CTSB: variants seen among roughly 807,000 people sequenced by gnomAD.
The protein encoded by CTSB is cathepsin B.
A neutral mutation model predicts 44.3 loss-of-function variants in CTSB; 57 were observed. The observed-to-expected ratio is 1.29, with a 90% CI of 1.04 to 1.60. CTSB has a LOEUF of 1.60. Ranked by LOEUF, CTSB falls within the 40% of genes most tolerant of loss-of-function variation. CTSB has a pLI of 0.00. For missense variants in CTSB, 768 were observed against 443.0 expected, an observed-to-expected ratio of 1.73 and a Z score of -6.59; for synonymous variants, 320 against 168.0, an observed-to-expected ratio of 1.91 and a Z score of -7.00.
At chr8:11,860,720 C>T (rs1816286648) in intron 1 of CTSB, among the ~76,000 whole-genome samples, 1 of 152,200 alleles carries the variant, frequency 6.6e-6, no homozygotes, top group South Asian at 2.1e-4. Flanking sequence ...GCCAGCAGAG[C>T]GGCTAAGAGC....
intron 6 of CTSB, 47 bp from the exon 7 acceptor site, chr8:11,847,869 A>G (rs906988378): frequency 2.8e-6 from 4 of 1,436,790 alleles, no homozygotes; most frequent in East Asian, 4.9e-5. Flanking sequence ...GCCCCCACGG[A>G]GAAGACCTGG....
chr8:11,848,072 T>C lies in CTSB; in HGVS notation c.527A>G (p.His176Arg), dbSNP rs752079041. 19 of 1,612,154 alleles carry C rather than the reference T, an allele frequency of 1.2e-5. No individual in the cohort carries two copies. The Admixed American group carries it at 1.3e-4, about 11-fold the overall frequency. Residue 176 changes from histidine to arginine, a missense_variant, in exon 6 of 10, where the codon CAT (histidine) becomes CGT (arginine). Physicochemically the swap from His to Arg is conservative, Grantham distance 29. Coordinates refer to ENST00000353047, the MANE Select transcript of CTSB (RefSeq NM_001908.5). ...GGCCAAGGGGACACACTTACCTACA[T>C]GGGATTCATAGAGGCCACCAGAAAC... ...GLVSGGLYES[H>R]VGCRPYSIPP...
At position 11,847,053 on chromosome 8, in the gene CTSB, T is replaced by G. The variant is rs1430944797; in HGVS notation, c.792A>C (p.Ser264=). ...TTGCCATCAGCCATCAGCACGCACC[T>G]GACTTGTAGAGCAGGAAGTCCGAAT... The part of the protein sequence containing the change: ...SVYSDFLLYK[S]GVYQHVTGEM... Residue 264 remains serine, a splice_region_variant and synonymous_variant, in exon 8 of 10, where the codon TCA becomes TCC. Transcript: ENST00000353047. 3.3e-6 allele frequency: 4 copies of G among 1,223,890 alleles called. No homozygotes were observed. The highest frequency in any genetic ancestry group is 2.1e-4 in the Middle Eastern group (1 of 4,712). The allele number at this position is 1,223,890 out of a possible 1,614,324, so 75.8% of individuals were successfully genotyped here. A position where few individuals can be genotyped will look rare whatever the true frequency, so the allele number is the denominator to read the frequency against.
chr8:11,852,610 C>G lies in CTSB; in HGVS notation c.212G>C (p.Arg71Thr), dbSNP rs1814791359. The change falls in exon 3 of 10, where the codon AGA (arginine) becomes ACA (threonine). Residue 71 changes from arginine (R) to threonine (T), a missense_variant and splice_region_variant. Coordinates refer to ENST00000353047, the MANE Select transcript of CTSB (RefSeq NM_001908.5). Reference sequence around the variant, plus strand: ...GCGGTGCAGAGGAGCAGGCACTCACCTCTGGGGTGGCTTGGGCCCACCCAG... The same window carrying G: ...GCGGTGCAGAGGAGCAGGCACTCACGTCTGGGGTGGCTTGGGCCCACCCAG... ...TFLGGPKPPQ[R>T]VMFTEDLKLP... The G allele has an allele frequency of 1.2e-6, 2 of 1,612,646 alleles. No homozygotes were observed. The highest frequency in any genetic ancestry group is 1.1e-5 in the South Asian group (1 of 91,060).
rs1411800924 is a variant in CTSB, at chr8:11,853,553, C to CT, written c.-25-75dup. The CT allele has an allele frequency of 2.1e-6, 3 of 1,443,946 alleles. No homozygotes were observed. The East Asian group carries it at 7.2e-5, about 35-fold the overall frequency. 89.4% of individuals were successfully genotyped at this position (1,443,946 alleles called of 1,614,324 possible). ...GGGCTCACACACACAGGGGCACCGT[C>CT]TCGGGCATCAGTGGGGACCCCCATG... is the stretch of plus-strand genomic sequence containing the variant. On this transcript the variant is annotated intron_variant, in intron 1 of 9. Transcript: ENST00000353047.
At chr8:11,858,969 A>G (rs1240715070) in intron 1 of CTSB, among the ~76,000 whole-genome samples, 2 of 152,078 alleles carry the variant, frequency 1.3e-5, no homozygotes, top group Non-Finnish European at 2.9e-5. Flanking sequence ...TTCACGAGGG[A>G]AGGATGTGAA....
At chr8:11,863,375 C>G (rs1408253002) in intron 1 of CTSB, among the ~76,000 whole-genome samples, 2 of 151,988 alleles carry the variant, frequency 1.3e-5, no homozygotes, top group Non-Finnish European at 2.9e-5. Flanking sequence ...AGGAGAATCA[C>G]TTGAACCCGG....
chr8:11,861,722 C>T (rs1816445071), intron 1 of CTSB, among the ~76,000 whole-genome samples: 1 of 152,226 alleles, frequency 6.6e-6, no homozygotes, highest in African/African-American at 2.4e-5. Flanking sequence ...ACCACGTCTG[C>T]ATCGGATACC....
In CTSB at chr8:11,852,499, G is replaced by C. The variant is rs190533078; in HGVS notation, c.212+111C>G. 1.0e-5 allele frequency: 7 copies of C among 685,716 alleles called. No homozygotes were observed. In the East Asian group the frequency reaches 1.7e-4, roughly 16 times the overall value. 42.5% of individuals were successfully genotyped at this position (685,716 alleles called of 1,614,324 possible). On this transcript the variant is annotated intron_variant, in intron 3 of 9. Transcript: ENST00000353047. ...ACCTCAAGCGGTGTCGGCAGCCCTG[G>C]GCAGCATGAGCCCTGCGGACGCCAG... is the stretch of plus-strand genomic sequence containing the variant.
chr8:11,852,540 C>G, intron 3 of CTSB, 70 bp downstream of exon 3: 1 of 1,319,872 alleles, frequency 7.6e-7, no homozygotes, highest in Non-Finnish European at 1.1e-6. Flanking sequence ...CCTTCACTCT[C>G]CCACTTCCCA....
At position 11,850,962 on chromosome 8, in the gene CTSB, G is replaced by C. The variant is rs201393632; in HGVS notation, c.231C>G (p.Asp77Glu). Reference protein sequence around the residue: ...KPPQRVMFTEDLKLPASFDAR... With the variant: ...KPPQRVMFTEELKLPASFDAR... The stretch of plus-strand genomic sequence containing the variant: ...CATCGAAGCTTGCAGGCAGCTTCAG[G>C]TCCTCGGTAAACATAACTCTGGATA... The change falls in exon 4 of 10, where the codon GAC becomes GAG. Residue 77 changes from aspartate (D) to glutamate (E), a missense_variant. Coordinates refer to ENST00000353047, the MANE Select transcript of CTSB (RefSeq NM_001908.5). 1.2e-6 allele frequency: 2 copies of C among 1,612,612 alleles called. No homozygotes were observed. The highest frequency in any genetic ancestry group is 1.7e-6 in the Non-Finnish European group (2 of 1,179,082).
chr8:11,865,351 T>C (rs1267223330), intron 1 of CTSB: 2 of 152,138 alleles, frequency 1.3e-5, no homozygotes, highest in Non-Finnish European at 2.9e-5. Context: ...GAGACCAGCC[T>C]GGCCAACGTG....
rs1036615665 is a variant in CTSB, at chr8:11,842,603, G to A, written c.*2522C>T. ...GAAGGATAAGTGGTTATGAATTTGT[G>A]GCTTATGGTAACCTTTGTTAAGCAT... On this transcript the variant is annotated 3_prime_UTR_variant, in exon 10 of 10. Transcript: ENST00000353047. 2 of 151,956 alleles carry A rather than the reference G, an allele frequency of 1.3e-5. No individual in the cohort carries two copies. The highest frequency in any genetic ancestry group is 4.8e-5 in the African/African-American group (2 of 41,380). The allele number at this position is 151,956 out of a possible 1,614,324, so 9.4% of individuals were successfully genotyped here. A position where few individuals can be genotyped will look rare whatever the true frequency, so the allele number is the denominator to read the frequency against.
At chr8:11,867,460 C>G (rs1054552000) in intron 1 of CTSB, 14 of 152,446 alleles carry the variant, frequency 9.2e-5, no homozygotes, top group African/African-American at 3.4e-4. Flanking sequence ...TGTTCTTCAA[C>G]AGGACCTGTC....
At chr8:11,849,490 A>G (rs1407276306) in intron 4 of CTSB, 1 of 198,484 alleles carries the variant, frequency 5.0e-6, no homozygotes, top group African/African-American at 2.3e-5. Flanking sequence ...TTAAAGCAAG[A>G]GAAGCACCCC....
intron 4 of CTSB, 135 bp downstream of exon 4, chr8:11,850,731 C>G (rs1300272361): frequency 6.9e-6 from 4 of 578,286 alleles, no homozygotes; most frequent in Non-Finnish European, 1.2e-5. Context: ...GATTTTTGTA[C>G]TGATGGAAAC....
intron 1 of CTSB, chr8:11,867,597 G>C (rs1817347618): frequency 6.6e-6 from 1 of 152,350 alleles, no homozygotes; most frequent in Middle Eastern, 3.4e-3. Flanking sequence ...GTTTGGCCCG[G>C]AGACACCGAG....
chr8:11,845,160 T>C lies in CTSB; in HGVS notation c.985A>G (p.Ile329Val). 1.2e-6 allele frequency: 2 copies of C among 1,614,054 alleles called. No individual in the cohort carries two copies. The highest frequency in any genetic ancestry group is 8.5e-7 in the Non-Finnish European group (1 of 1,179,908). Residue 329 changes from isoleucine to valine, a missense_variant, in exon 10 of 10, where the codon ATT becomes GTT. Ile to Val is a conservative substitution (Grantham distance 29, BLOSUM62 3). Transcript: ENST00000353047. ...TCCCAGTACTGATCGGTGCGTGGAA[T>C]TCCAGCCACCACTTCTGATTCGATT... ...CGIESEVVAG[I>V]PRTDQYWEKI is the part of the protein sequence containing the mutation.
At chr8:11,846,516 G>A (rs927623300) in intron 8 of CTSB, 1 of 152,840 alleles carries the variant, frequency 6.5e-6, no homozygotes, top group African/African-American at 2.4e-5. Context: ...AGGACTTGGG[G>A]ATGGGGACTG....
Sources: gnomAD v4.1 joint callset for allele counts (sites outside exome capture counted in the v4.1 genomes callset) on GRCh38, gnomAD v4.1.1 for gene constraint, MANE v1.5 for transcripts, NCBI Gene and HGNC (gene_info 2026-07-23, HGNC 2026-07-21) for gene names.